Variants in TEX9 observed in about 807,000 individuals in gnomAD.
TEX9 encodes the protein testis-expressed protein 9.
Under a neutral mutation model 59.6 loss-of-function variants are expected in TEX9, and 74 were observed. That is an observed-to-expected ratio of 1.24 (90% CI 1.03 to 1.51). TEX9 has a LOEUF of 1.51. TEX9 is among the 40% of genes most tolerant of loss of function. The probability of loss-of-function intolerance (pLI) is 0.00; values close to 1 mark genes in which losing one functional copy is unlikely to be tolerated. For missense variants in TEX9, 522 were observed against 447.8 expected (o/e 1.17, Z -1.49); for synonymous variants, 186 against 152.2 (o/e 1.22, Z -1.64).
chr15:56,390,509 C>A (rs932750430), intron 6 of TEX9, among the ~76,000 whole-genome samples: 6 of 151,828 alleles, frequency 4.0e-5, no homozygotes, highest in African/African-American at 9.7e-5. Context: ...AATTGTGAAG[C>A]CTTTGCTTAT....
rs978351502 is a variant in TEX9 at position 56,269,532 on chromosome 15, A to C, written c.-107+25254A>C. On this transcript the variant is annotated intron_variant, in intron 1 of 5. Coordinates refer to the TEX9 transcript ENST00000560827. Reference sequence around the variant, plus strand: ...TCTGGTACGTTATGCCTTTGTTCTCATTGGTTTCAAAGAACATCTTTATTT... The same window carrying C: ...TCTGGTACGTTATGCCTTTGTTCTCCTTGGTTTCAAAGAACATCTTTATTT... Among the ~76,000 whole-genome samples, 14 of 151,700 alleles carry C rather than the reference A, an allele frequency of 9.2e-5. No individual in the cohort carries two copies. In the East Asian group the frequency reaches 9.7e-4, roughly 10 times the overall value.
intron 10 of TEX9, among the ~76,000 whole-genome samples, chr15:56,423,572 AGTTT>A (rs1321657326): frequency 1.3e-5 from 2 of 152,088 alleles, no homozygotes; most frequent in Non-Finnish European, 2.9e-5. Context: ...TATACAAATA[AGTTT>A]GTTTTTAGTA....
At chr15:56,390,910 T>G (rs926078915) in intron 6 of TEX9, among the ~76,000 whole-genome samples, 7 of 152,064 alleles carry the variant, frequency 4.6e-5, no homozygotes, top group Non-Finnish European at 1.0e-4. Flanking sequence ...TGGTATTGCC[T>G]TATTTGGAAG....
intron 9 of TEX9, among the ~76,000 whole-genome samples, chr15:56,402,193 G>C (rs191031530): frequency 6.6e-6 from 1 of 152,284 alleles, no homozygotes; most frequent in Admixed American, 6.5e-5. Context: ...TAATCCAGGA[G>C]CTGGCTTTTT....
chr15:56,286,628 C>G (rs577446319), intron 1 of TEX9, among the ~76,000 whole-genome samples: 1 of 152,312 alleles, frequency 6.6e-6, no homozygotes, highest in South Asian at 2.1e-4. Context: ...TACCCTGGCA[C>G]TGTGTAAGAC....
chr15:56,334,461 G>C (rs565611301), intron 1 of TEX9, among the ~76,000 whole-genome samples: 6 of 152,228 alleles, frequency 3.9e-5, no homozygotes, highest in African/African-American at 1.2e-4. Flanking sequence ...TCCACATGCA[G>C]AAGAATGAAA....
At chr15:56,414,333 C>A (rs961587771) in intron 10 of TEX9, among the ~76,000 whole-genome samples, 1 of 151,538 alleles carries the variant, frequency 6.6e-6, no homozygotes, top group African/African-American at 2.4e-5. Context: ...ACATATATTT[C>A]ATCACCTAGG....
At chr15:56,305,029 T>A (rs2045445527) in intron 1 of TEX9, among the ~76,000 whole-genome samples, 1 of 152,152 alleles carries the variant, frequency 6.6e-6, no homozygotes, top group African/African-American at 2.4e-5. Flanking sequence ...TGTAACCCCA[T>A]TTACATTAGC....
intron 10 of TEX9, among the ~76,000 whole-genome samples, chr15:56,426,494 G>A (rs749521113): frequency 2.6e-4 from 39 of 148,736 alleles, no homozygotes; most frequent in Non-Finnish European, 5.4e-4. Context: ...TCTTTTAATG[G>A]GGAAGCAAAG....
At chr15:56,257,261 C>G (rs1179055269) in intron 1 of TEX9, among the ~76,000 whole-genome samples, 1 of 151,780 alleles carries the variant, frequency 6.6e-6, no homozygotes, top group Non-Finnish European at 1.5e-5. Context: ...TGTGCATATG[C>G]TTTTATAATA....
intron 12 of TEX9, among the ~76,000 whole-genome samples, chr15:56,435,057 A>T (rs1365821560): frequency 1.3e-5 from 2 of 152,100 alleles, no homozygotes; most frequent in African/African-American, 4.8e-5. Flanking sequence ...TAAATAATTC[A>T]TGGGCCAAAG....
chr15:56,441,327 G>T (rs544425490), intron 12 of TEX9, among the ~76,000 whole-genome samples: 22 of 151,898 alleles, frequency 1.4e-4, no homozygotes, highest in Admixed American at 1.1e-3. Context: ...CTCGGTGAAG[G>T]TTCCATGTTT....
At chr15:56,332,599 C>T (rs1244602013) in intron 1 of TEX9, among the ~76,000 whole-genome samples, 1 of 141,748 alleles carries the variant, frequency 7.1e-6, no homozygotes, top group African/African-American at 2.6e-5. Flanking sequence ...TGCACATGTA[C>T]CCTAAAACTT....
the TEX9 span, among the ~76,000 whole-genome samples, chr15:56,452,957 G>T: frequency 6.6e-6 from 1 of 152,128 alleles, no homozygotes; most frequent in Admixed American, 6.5e-5. Flanking sequence ...ATAGCCTCAA[G>T]CCTGCTATGT....
At chr15:56,331,175 G>A (rs2046131378) in intron 1 of TEX9, among the ~76,000 whole-genome samples, 1 of 152,148 alleles carries the variant, frequency 6.6e-6, no homozygotes, top group African/African-American at 2.4e-5. Flanking sequence ...TAGAGGTAAT[G>A]AGAGAGATAG....
At chr15:56,333,185 A>T (rs2046190893) in intron 1 of TEX9, among the ~76,000 whole-genome samples, 1 of 152,170 alleles carries the variant, frequency 6.6e-6, no homozygotes, top group Admixed American at 6.5e-5. Flanking sequence ...TGTTACCCTG[A>T]CACCAAAACC....
At chr15:56,319,770 A>G (rs944802666) in intron 1 of TEX9, among the ~76,000 whole-genome samples, 1 of 152,184 alleles carries the variant, frequency 6.6e-6, no homozygotes, top group Non-Finnish European at 1.5e-5. Context: ...TGTATGAGCC[A>G]GTGTTATGGC....
chr15:56,254,600 G>A (rs2044101506), intron 1 of TEX9, among the ~76,000 whole-genome samples: 1 of 151,374 alleles, frequency 6.6e-6, no homozygotes, highest in Admixed American at 6.6e-5. Flanking sequence ...GAAGGAGAGA[G>A]CTAACAGGGA....
At chr15:56,305,692 G>A (rs754735249) in intron 1 of TEX9, among the ~76,000 whole-genome samples, 16 of 152,128 alleles carry the variant, frequency 1.1e-4, no homozygotes, top group East Asian at 1.9e-4. Context: ...TTGGGAAAGC[G>A]CTCCAGGACA....
Sources: allele counts gnomAD v4.1 joint callset (sites outside exome capture counted in the v4.1 genomes callset), GRCh38; gene constraint gnomAD v4.1.1; transcripts MANE v1.5; gene names NCBI Gene and HGNC (gene_info 2026-07-23, HGNC 2026-07-21).